The following KCNQ3 variants were observed in gnomAD, a reference collection of about 807,000 sequenced individuals.
KCNQ3 encodes potassium voltage-gated channel subfamily KQT member 3.
A neutral mutation model predicts 92.5 loss-of-function variants in KCNQ3; 30 were observed. The observed-to-expected ratio is 0.32, with a 90% CI of 0.24 to 0.44. The LOEUF is 0.44. Among genes scored for constraint, KCNQ3 ranks in the 20% least tolerant of loss-of-function variants. The probability of loss-of-function intolerance (pLI) is 1.00; values close to 1 mark genes in which losing one functional copy is unlikely to be tolerated. For synonymous variants in KCNQ3, 450 were observed against 468.8 expected (o/e 0.96, Z 0.52); for missense variants, 913 against 1,140.3 (o/e 0.80, Z 2.87).
chr8:132,317,483 G>A (rs1166115427), intron 1 of KCNQ3, among the ~76,000 whole-genome samples: 2 of 152,196 alleles, frequency 1.3e-5, no homozygotes, highest in East Asian at 1.9e-4. Context: ...AGTGGGTAGA[G>A]TGATGAGTTT....
chr8:132,221,576 G>C (rs932020603), intron 1 of KCNQ3, among the ~76,000 whole-genome samples: 1 of 152,170 alleles, frequency 6.6e-6, no homozygotes, highest in African/African-American at 2.4e-5. Flanking sequence ...GTGATGGTGA[G>C]CATTTTTTCA....
intron 1 of KCNQ3, among the ~76,000 whole-genome samples, chr8:132,435,607 G>C (rs536016139): frequency 6.6e-6 from 1 of 152,180 alleles, no homozygotes; most frequent in Non-Finnish European, 1.5e-5. Flanking sequence ...ATCAAACTGC[G>C]TTCAAACCTA....
intron 1 of KCNQ3, among the ~76,000 whole-genome samples, chr8:132,427,343 A>G (rs1357432808): frequency 6.6e-6 from 1 of 152,110 alleles, no homozygotes; most frequent in African/African-American, 2.4e-5. Flanking sequence ...TGAACTGATG[A>G]TTTCTGGGAT....
intron 1 of KCNQ3, among the ~76,000 whole-genome samples, chr8:132,422,996 G>A (rs1821014038): frequency 6.6e-6 from 1 of 152,192 alleles, no homozygotes; most frequent in African/African-American, 2.4e-5. Context: ...GGAACCAGGA[G>A]ACCTCAGATG....
intron 1 of KCNQ3, among the ~76,000 whole-genome samples, chr8:132,193,042 C>T (rs1352432192): frequency 6.6e-6 from 1 of 152,146 alleles, no homozygotes; most frequent in Non-Finnish European, 1.5e-5. Flanking sequence ...GCATCCTTTC[C>T]TCCACTGCTC....
At chr8:132,166,245 G>C (rs984378638) in intron 8 of KCNQ3, among the ~76,000 whole-genome samples, 6 of 152,152 alleles carry the variant, frequency 3.9e-5, no homozygotes, top group Non-Finnish European at 8.8e-5. Flanking sequence ...AGCCACATGA[G>C]GCTAGTGGCT....
At chr8:132,399,010 A>G (rs1820266760) in intron 1 of KCNQ3, among the ~76,000 whole-genome samples, 1 of 152,234 alleles carries the variant, frequency 6.6e-6, no homozygotes, top group Non-Finnish European at 1.5e-5. Context: ...CAGTGCAGCC[A>G]TATGTCAAGT....
At chr8:132,359,553 G>C (rs1444565912) in intron 1 of KCNQ3, among the ~76,000 whole-genome samples, 1 of 152,132 alleles carries the variant, frequency 6.6e-6, no homozygotes, top group Non-Finnish European at 1.5e-5. Flanking sequence ...TTCTGCATCA[G>C]AAAGAGGGCT....
chr8:132,349,820 A>T (rs898668873), intron 1 of KCNQ3, among the ~76,000 whole-genome samples: 9 of 152,354 alleles, frequency 5.9e-5, no homozygotes, highest in South Asian at 2.1e-4. Flanking sequence ...CAGATCTAGG[A>T]GAATAAAAGG....
chr8:132,149,330 T>C (rs1374093654), intron 9 of KCNQ3, among the ~76,000 whole-genome samples: 2 of 152,222 alleles, frequency 1.3e-5, no homozygotes, highest in African/African-American at 4.8e-5. Context: ...TGGGATGCTA[T>C]CTGTGAGATG....
At chr8:132,187,801 A>G (rs796588187) in intron 1 of KCNQ3, among the ~76,000 whole-genome samples, 55 of 111,944 alleles carry the variant, frequency 4.9e-4, no homozygotes, top group East Asian at 8.2e-4. Flanking sequence ...GGTGGTGGTG[A>G]TAGTGATGGT....
At chr8:132,432,732 T>A (rs1821286277) in intron 1 of KCNQ3, among the ~76,000 whole-genome samples, 1 of 152,164 alleles carries the variant, frequency 6.6e-6, no homozygotes, top group Non-Finnish European at 1.5e-5. Context: ...TGTCATCCAC[T>A]CTGGACACAC....
chr8:132,476,589 C>G (rs959136114), intron 1 of KCNQ3, among the ~76,000 whole-genome samples: 7 of 152,106 alleles, frequency 4.6e-5, no homozygotes, highest in Non-Finnish European at 5.9e-5. Context: ...GGCCTGTGGC[C>G]CATTTGTTTT....
intron 1 of KCNQ3, among the ~76,000 whole-genome samples, chr8:132,316,948 G>T (rs1817760705): frequency 6.6e-6 from 1 of 152,128 alleles, no homozygotes; most frequent in African/African-American, 2.4e-5. Context: ...TCTGGACAGG[G>T]GCTGCTGGAA....
intron 1 of KCNQ3, among the ~76,000 whole-genome samples, chr8:132,354,553 G>A (rs375377651): frequency 2.7e-4 from 41 of 152,244 alleles, no homozygotes; most frequent in South Asian, 1.7e-3. Flanking sequence ...CAGGCAGGTC[G>A]TATTCTGGGG....
chr8:132,183,610 TGA>T (rs774170755), intron 3 of KCNQ3, among the ~76,000 whole-genome samples: 2 of 152,164 alleles, frequency 1.3e-5, no homozygotes, highest in Non-Finnish European at 2.9e-5. Flanking sequence ...AATAGGTTGG[TGA>T]GAGTTTCCAC....
intron 1 of KCNQ3, among the ~76,000 whole-genome samples, chr8:132,203,244 T>C (rs189520781): frequency 9.9e-5 from 15 of 152,282 alleles, no homozygotes; most frequent in African/African-American, 3.6e-4. Flanking sequence ...TAAGTTTCCA[T>C]CACATGCACT....
chr8:132,306,439 G>A (rs1244886189), intron 1 of KCNQ3, among the ~76,000 whole-genome samples: 1 of 152,190 alleles, frequency 6.6e-6, no homozygotes, highest in Non-Finnish European at 1.5e-5. Flanking sequence ...CTTGGAAGAT[G>A]CCAATGTCCT....
chr8:132,323,864 C>T (rs995569064), intron 1 of KCNQ3, among the ~76,000 whole-genome samples: 3 of 152,132 alleles, frequency 2.0e-5, no homozygotes, highest in Non-Finnish European at 2.9e-5. Flanking sequence ...TTGTCATTTC[C>T]TCCTTACGAT....
Sources: allele counts gnomAD v4.1 joint callset (sites outside exome capture counted in the v4.1 genomes callset), GRCh38; gene constraint gnomAD v4.1.1; transcripts MANE v1.5; gene names NCBI Gene and HGNC (gene_info 2026-07-23, HGNC 2026-07-21).